SLC24A2: variants seen among roughly 807,000 people sequenced by gnomAD.
SLC24A2 encodes the protein solute carrier family 24 member 2.
In SLC24A2, 36 loss-of-function variants were observed where a neutral mutation model predicts 62.0. The ratio of observed to expected loss-of-function variants is 0.58; its 90% CI spans 0.44 to 0.77. The LOEUF is 0.77. Ranked by LOEUF, SLC24A2 falls within the 30% of genes least tolerant of loss-of-function variation. The probability of loss-of-function intolerance (pLI) is 0.00; values close to 1 mark genes in which losing one functional copy is unlikely to be tolerated. For missense variants in SLC24A2, 846 were observed against 817.9 expected, an observed-to-expected ratio of 1.03 and a Z score of -0.42; for synonymous variants, 358 against 294.0, an observed-to-expected ratio of 1.22 and a Z score of -2.23.
chr9:20,260,882 G>A, the SLC24A2 span, among the ~76,000 whole-genome samples: 19 of 108,062 alleles, frequency 1.8e-4, no homozygotes, highest in East Asian at 4.3e-3. Context: ...TAAAGACAGA[G>A]TCTCACCCTG....
intron 2 of SLC24A2, among the ~76,000 whole-genome samples, chr9:19,754,408 C>T (rs561406596): frequency 2.0e-5 from 3 of 152,316 alleles, no homozygotes; most frequent in African/African-American, 4.8e-5. Flanking sequence ...TCAACTGAAC[C>T]TTTGAGCCTT....
At chr9:19,865,374 C>A in the SLC24A2 span, among the ~76,000 whole-genome samples, 1 of 151,998 alleles carries the variant, frequency 6.6e-6, no homozygotes, top group Non-Finnish European at 1.5e-5. Context: ...CCACAAAAGA[C>A]ACAAAAGACC....
At chr9:19,575,095 T>C (rs899191729) in intron 6 of SLC24A2, among the ~76,000 whole-genome samples, 1 of 152,230 alleles carries the variant, frequency 6.6e-6, no homozygotes, top group Non-Finnish European at 1.5e-5. Flanking sequence ...GAAATATTTA[T>C]GTTTATTTAT....
At chr9:20,048,658 A>G in the SLC24A2 span, among the ~76,000 whole-genome samples, 1 of 152,076 alleles carries the variant, frequency 6.6e-6, no homozygotes, top group Non-Finnish European at 1.5e-5. Context: ...ATAAAAGTAT[A>G]CCTTCAGCTG....
the SLC24A2 span, among the ~76,000 whole-genome samples, chr9:19,880,316 T>C: frequency 6.6e-6 from 1 of 152,206 alleles, no homozygotes; most frequent in East Asian, 1.9e-4. Flanking sequence ...CTTTTCATCA[T>C]ATAACTTTCA....
the SLC24A2 span, among the ~76,000 whole-genome samples, chr9:19,962,539 T>C: frequency 5.3e-5 from 8 of 152,350 alleles, no homozygotes; most frequent in Admixed American, 4.6e-4. Context: ...TTTATTTCAT[T>C]GAGCAGTGGT....
the SLC24A2 span, among the ~76,000 whole-genome samples, chr9:20,239,459 T>C: frequency 5.3e-5 from 8 of 152,096 alleles, no homozygotes; most frequent in Non-Finnish European, 1.2e-4. Flanking sequence ...GTCTAATGTT[T>C]AAGGGGGCCT....
At chr9:20,195,728 T>C in the SLC24A2 span, among the ~76,000 whole-genome samples, 2 of 152,150 alleles carry the variant, frequency 1.3e-5, no homozygotes, top group African/African-American at 2.4e-5. Context: ...CTCTTTATCA[T>C]CTAAGTGACT....
chr9:19,529,804 G>A (rs1005379581), intron 8 of SLC24A2, among the ~76,000 whole-genome samples: 1 of 149,250 alleles, frequency 6.7e-6, no homozygotes, highest in Non-Finnish European at 1.5e-5. Context: ...AGGCTGGAGT[G>A]CAGTGGCATG....
chr9:19,765,103 A>T (rs1197140630), intron 2 of SLC24A2, among the ~76,000 whole-genome samples: 5 of 150,956 alleles, frequency 3.3e-5, no homozygotes, highest in African/African-American at 1.2e-4. Flanking sequence ...TTTATCAGAG[A>T]CTAGGATTGC....
the SLC24A2 span, among the ~76,000 whole-genome samples, chr9:20,162,501 C>T: frequency 2.0e-5 from 3 of 151,848 alleles, no homozygotes; most frequent in Admixed American, 2.0e-4. Context: ...GCTTACCAAC[C>T]AAAAAGAGTC....
the SLC24A2 span, among the ~76,000 whole-genome samples, chr9:19,809,062 G>A: frequency 4.6e-5 from 7 of 152,110 alleles, no homozygotes; most frequent in African/African-American, 1.4e-4. Flanking sequence ...TTACATATTT[G>A]CAAATAAATG....
chr9:19,832,353 T>C, the SLC24A2 span, among the ~76,000 whole-genome samples: 111 of 152,346 alleles, frequency 7.3e-4, no homozygotes, highest in African/African-American at 2.5e-3. Context: ...ACCTACTTAA[T>C]TAAACATGTT....
the SLC24A2 span, among the ~76,000 whole-genome samples, chr9:19,850,461 G>A: frequency 6.6e-6 from 1 of 151,996 alleles, no homozygotes; most frequent in African/African-American, 2.4e-5. Flanking sequence ...TTTATTTATA[G>A]CTTTATTGAG....
At chr9:20,274,101 A>G in the SLC24A2 span, among the ~76,000 whole-genome samples, 2 of 152,216 alleles carry the variant, frequency 1.3e-5, no homozygotes, top group Admixed American at 6.5e-5. Context: ...CACTGAGGAT[A>G]TAAGAGGGAA....
At chr9:19,980,689 C>G in the SLC24A2 span, among the ~76,000 whole-genome samples, 3 of 152,102 alleles carry the variant, frequency 2.0e-5, no homozygotes, top group African/African-American at 7.2e-5. Flanking sequence ...AAAAAGACAT[C>G]TAGATGGTCA....
At chr9:19,983,749 A>G in the SLC24A2 span, among the ~76,000 whole-genome samples, 3 of 152,218 alleles carry the variant, frequency 2.0e-5, no homozygotes, top group Admixed American at 2.0e-4. Flanking sequence ...ATTGAATATA[A>G]ACACCTAGAA....
At chr9:19,570,973 C>T (rs1054556651) in intron 7 of SLC24A2, among the ~76,000 whole-genome samples, 1 of 152,200 alleles carries the variant, frequency 6.6e-6, no homozygotes, top group Non-Finnish European at 1.5e-5. Flanking sequence ...TTTGTGGAGA[C>T]CTAGGGCCAC....
At chr9:19,654,562 T>G (rs1280722575) in intron 2 of SLC24A2, among the ~76,000 whole-genome samples, 1 of 152,174 alleles carries the variant, frequency 6.6e-6, no homozygotes, top group Non-Finnish European at 1.5e-5. Context: ...TCATTCTAGG[T>G]AAAGGAATGG....
Sources: gnomAD v4.1 joint callset for allele counts (sites outside exome capture counted in the v4.1 genomes callset) on GRCh38, gnomAD v4.1.1 for gene constraint, MANE v1.5 for transcripts, NCBI Gene and HGNC (gene_info 2026-07-23, HGNC 2026-07-21) for gene names.